The following C1GALT1 variants were observed in gnomAD, a reference collection of about 807,000 sequenced individuals.
C1GALT1 encodes the protein glycoprotein-N-acetylgalactosamine 3-beta-galactosyltransferase 1.
C1GALT1 carries 11 observed loss-of-function variants against 31.0 expected under a neutral mutation model. The ratio of observed to expected loss-of-function variants is 0.36; its 90% confidence interval spans 0.22 to 0.59. The LOEUF is 0.59. C1GALT1 is among the 20% of genes least tolerant of loss of function. C1GALT1 has a pLI of 0.79. For synonymous variants in C1GALT1, 175 were observed against 143.6 expected, an observed-to-expected ratio of 1.22 and a Z score of -1.56; for missense variants, 424 against 425.2, an observed-to-expected ratio of 1.00 and a Z score of 0.03.
At chr7:7,201,568 C>G (rs895446879) in intron 1 of C1GALT1, among the ~76,000 whole-genome samples, 6 of 152,214 alleles carry the variant, frequency 3.9e-5, no homozygotes, top group Admixed American at 6.5e-5. Flanking sequence ...GAAGTTACTG[C>G]TGCCTTTTGA....
At chr7:7,170,984 T>C (rs929777941) in intron 2 of C1GALT1, among the ~76,000 whole-genome samples, 1 of 152,196 alleles carries the variant, frequency 6.6e-6, no homozygotes, top group African/African-American at 2.4e-5. Context: ...ATACTGTGTA[T>C]GATTTCAACT....
At chr7:7,201,917 C>G (rs145372164) in intron 1 of C1GALT1, among the ~76,000 whole-genome samples, 1 of 152,344 alleles carries the variant, frequency 6.6e-6, no homozygotes, top group African/African-American at 2.4e-5. Context: ...AAGTTTCCTT[C>G]TCCTTGGGGT....
At chr7:7,225,035 A>C in intron 1 of C1GALT1, among the ~76,000 whole-genome samples, 1 of 109,776 alleles carries the variant, frequency 9.1e-6, no homozygotes, top group East Asian at 2.8e-4. Flanking sequence ...CTCTGTGTTT[A>C]GTTACAAGTG....
At chr7:7,192,963 T>G (rs1055239470) in intron 1 of C1GALT1, among the ~76,000 whole-genome samples, 14 of 152,072 alleles carry the variant, frequency 9.2e-5, no homozygotes, top group African/African-American at 3.1e-4. Flanking sequence ...CTTTTGGGAA[T>G]TGTCTATTCA....
chr7:7,231,996 A>G (rs575276683), intron 1 of C1GALT1, among the ~76,000 whole-genome samples: 18 of 152,336 alleles, frequency 1.2e-4, no homozygotes, highest in African/African-American at 4.3e-4. Flanking sequence ...TGATAAGAGC[A>G]TAGGTGTTTT....
chr7:7,233,776 C>T (rs956757688), intron 1 of C1GALT1, among the ~76,000 whole-genome samples: 1 of 152,180 alleles, frequency 6.6e-6, no homozygotes, highest in Non-Finnish European at 1.5e-5. Flanking sequence ...TGTGCTGACC[C>T]TAGTCCTCCA....
At position 7,228,607 on chromosome 7, in the gene C1GALT1, G is replaced by GA. The variant is rs760667903; in HGVS notation, c.-17-5685dup. Reference sequence around the variant, plus strand: ...GATGGCTATTTTATCCCAGGAGCAGGAAAAAAAAAAATGGGAGTTTACAGT... The same window carrying GA: ...GATGGCTATTTTATCCCAGGAGCAGGAAAAAAAAAAAATGGGAGTTTACAGT... On this transcript the variant is annotated intron_variant, in intron 1 of 3. Coordinates refer to ENST00000436587, the MANE Select transcript of C1GALT1 (RefSeq NM_020156.5). 6.2e-3 allele frequency among the ~76,000 whole-genome samples: 907 copies of GA among 147,440 alleles called. 8 individuals carry two copies. The highest frequency in any genetic ancestry group is 7.8e-3 in the Non-Finnish European group (517 of 66,322).
upstream of C1GALT1, among the ~76,000 whole-genome samples, chr7:7,178,943 G>C (rs543824167): frequency 1.3e-5 from 2 of 152,286 alleles, no homozygotes; most frequent in Middle Eastern, 3.4e-3. Context: ...GAATGGTTCT[G>C]TCTCAGGGTC....
intron 2 of C1GALT1, among the ~76,000 whole-genome samples, chr7:7,165,618 T>C (rs1220983434): frequency 6.6e-6 from 1 of 152,104 alleles, no homozygotes; most frequent in African/African-American, 2.4e-5. Flanking sequence ...CAGAAAGGCA[T>C]GTACTGCTAT....
chr7:7,180,445 T>A (rs1344780954), upstream of C1GALT1, among the ~76,000 whole-genome samples: 1 of 152,248 alleles, frequency 6.6e-6, no homozygotes, highest in Non-Finnish European at 1.5e-5. Context: ...AGAATACTGG[T>A]TGGATAAATG....
intron 1 of C1GALT1, among the ~76,000 whole-genome samples, chr7:7,209,222 C>T (rs534094523): frequency 3.3e-5 from 5 of 152,120 alleles, no homozygotes; most frequent in Non-Finnish European, 7.4e-5. Context: ...GCTATTGAAA[C>T]GTGACCTTCC....
chr7:7,234,987 A>G (rs1322270159), intron 2 of C1GALT1: 1 of 153,206 alleles, frequency 6.5e-6, no homozygotes, highest in Non-Finnish European at 1.5e-5. Context: ...AGGCACAAAG[A>G]ACAAGGAAGT....
intron 2 of C1GALT1, among the ~76,000 whole-genome samples, chr7:7,160,380 A>G (rs1163149554): frequency 6.6e-6 from 1 of 152,102 alleles, no homozygotes; most frequent in Non-Finnish European, 1.5e-5. Context: ...ATCCTTGACA[A>G]AAGTCTGATG....
Position 7,243,769 on chromosome 7 carries a change from C to T in C1GALT1, c.*42C>T, listed in dbSNP as rs750791945. On this transcript the variant is annotated 3_prime_UTR_variant, in exon 4 of 4. Transcript: ENST00000436587. ...AACAAAGGTAATATGTCTAGCACTG[C>T]ACTGAAAAAGGACTTCTGCATTTCT... 1 of 1,405,286 alleles carries T rather than the reference C, an allele frequency of 7.1e-7. No homozygotes were observed. The highest frequency in any genetic ancestry group is 9.6e-7 in the Non-Finnish European group (1 of 1,039,424). The allele number at this position is 1,405,286 out of a possible 1,614,324, so 87.1% of individuals were successfully genotyped here. A position where few individuals can be genotyped will look rare whatever the true frequency, so the allele number is the denominator to read the frequency against.
intron 1 of C1GALT1, among the ~76,000 whole-genome samples, chr7:7,224,286 CTT>C (rs1023273538): frequency 7.0e-4 from 104 of 148,478 alleles, no homozygotes; most frequent in Non-Finnish European, 5.8e-4. Flanking sequence ...TTTGTACTGT[CTT>C]TGTTGGATTT....
chr7:7,159,278 T>C (rs1204492860), intron 2 of C1GALT1, among the ~76,000 whole-genome samples: 2 of 152,124 alleles, frequency 1.3e-5, no homozygotes, highest in East Asian at 3.8e-4. Context: ...TGAACGACTG[T>C]AATATTGACC....
At chr7:7,213,012 G>GA (rs1782076722) in intron 1 of C1GALT1, among the ~76,000 whole-genome samples, 1 of 152,150 alleles carries the variant, frequency 6.6e-6, no homozygotes, top group Admixed American at 6.5e-5. Context: ...CCTTGACTCT[G>GA]AAAAACCAAA....
rs566722627 is a variant in C1GALT1 at position 7,240,729 on chromosome 7, C to T, written c.888+1807C>T. Among the ~76,000 whole-genome samples the T allele has an allele frequency of 4.6e-5, 7 of 152,144 alleles. No individual in the cohort carries two copies. The East Asian group carries it at 1.3e-3, about 29-fold the overall frequency. On this transcript the variant is annotated intron_variant, in intron 3 of 3. Coordinates refer to ENST00000436587, the MANE Select transcript of C1GALT1 (RefSeq NM_020156.5). ...TAAAACAGAATTAGAATTCAGAGTA[C>T]CAAAATTGACCCATCAATCTGACAT...
At position 7,238,897 on chromosome 7, in the gene C1GALT1, A is replaced by G; in HGVS notation, c.863A>G (p.Asn288Ser). Residue 288 changes from asparagine (N) to serine (S), a missense_variant, in exon 3 of 4, where the codon AAT (asparagine) becomes AGT (serine). Physicochemically the swap from Asn to Ser is conservative, Grantham distance 46 (BLOSUM62 1). Coordinates refer to ENST00000436587, the MANE Select transcript of C1GALT1 (RefSeq NM_020156.5). This position sits in a 1 kb window ranked among gnomAD's most constrained non-coding sequence, Gnocchi z 5.2. ...CTACCTAGAACGTTTTGGTACTGGA[A>G]TTACAACTATTATCCTCCTGTAGAG... ...GYLPRTFWYW[N>S]YNYYPPVEGP... The G allele has an allele frequency of 6.2e-7, 1 of 1,612,664 alleles. No individual in the cohort carries two copies. Among genetic ancestry groups the G allele is most frequent in the Non-Finnish European group, 8.5e-7 (1 of 1,179,286 alleles).
Sources: allele counts gnomAD v4.1 joint callset (sites outside exome capture counted in the v4.1 genomes callset), GRCh38; gene constraint gnomAD v4.1.1; non-coding constraint Gnocchi (gnomAD v3.1); transcripts MANE v1.5; gene names NCBI Gene and HGNC (gene_info 2026-07-23, HGNC 2026-07-21).